PPP1R9A: variants seen among roughly 807,000 people sequenced by gnomAD.
PPP1R9A encodes the protein neurabin-1.
Under a neutral mutation model 141.9 loss-of-function variants are expected in PPP1R9A, and 59 were observed. The ratio of observed to expected loss-of-function variants is 0.42; its 90% CI spans 0.34 to 0.52. The LOEUF (loss-of-function observed/expected upper bound fraction) is 0.52. PPP1R9A is among the 20% of genes least tolerant of loss of function. The pLI is 0.10. For synonymous variants in PPP1R9A, 500 were observed against 569.7 expected (o/e 0.88, Z 1.74); for missense variants, 1,444 against 1,611.9 (o/e 0.90, Z 1.78).
intron 2 of PPP1R9A, among the ~76,000 whole-genome samples, chr7:95,087,524 A>C (rs778665856): frequency 4.6e-5 from 7 of 152,046 alleles, no homozygotes; most frequent in African/African-American, 7.3e-5. Context: ...GAAAAAGTGA[A>C]ACATGATGAA....
chr7:95,213,399 C>CAATCTCTGT (rs757811617), intron 7 of PPP1R9A, among the ~76,000 whole-genome samples: 19 of 148,672 alleles, frequency 1.3e-4, no homozygotes, highest in Non-Finnish European at 1.0e-4. Flanking sequence ...TGGCTGACTG[C>CAATCTCTGT]AATCTCTGCC....
At chr7:95,209,757 C>G (rs1339345812) in intron 7 of PPP1R9A, among the ~76,000 whole-genome samples, 1 of 152,066 alleles carries the variant, frequency 6.6e-6, no homozygotes, top group East Asian at 1.9e-4. Context: ...AGCATTTTTG[C>G]AATTACACGA....
intron 5 of PPP1R9A, 124 bp from the exon 6 acceptor site, chr7:95,198,225 T>C (rs1176115166): frequency 4.9e-6 from 4 of 811,676 alleles, no homozygotes. Context: ...CATTTTGAAG[T>C]ACGTAGGTGA....
chr7:95,093,175 C>T (rs1817588522), intron 2 of PPP1R9A, among the ~76,000 whole-genome samples: 1 of 152,060 alleles, frequency 6.6e-6, no homozygotes. Context: ...TAGACTTTCT[C>T]AGGATAGACC....
intron 12 of PPP1R9A, among the ~76,000 whole-genome samples, chr7:95,258,024 A>G (rs561182485): frequency 7.3e-4 from 111 of 152,272 alleles, no homozygotes; most frequent in African/African-American, 2.3e-3. Flanking sequence ...TCCTTTGGGT[A>G]TATACCCAGT....
chr7:94,953,928 C>T (rs1190545162), intron 2 of PPP1R9A, among the ~76,000 whole-genome samples: 4 of 152,048 alleles, frequency 2.6e-5, no homozygotes, highest in Non-Finnish European at 5.9e-5. Flanking sequence ...GACTTCCTCT[C>T]TTCCTATTTG....
chr7:94,967,443 G>T (rs1563059210), intron 2 of PPP1R9A, among the ~76,000 whole-genome samples: 1 of 152,138 alleles, frequency 6.6e-6, no homozygotes, highest in East Asian at 1.9e-4. Context: ...GCTTTCTCTT[G>T]TGGGCATTTA....
chr7:95,057,281 T>C (rs947052253), intron 2 of PPP1R9A, among the ~76,000 whole-genome samples: 1 of 152,052 alleles, frequency 6.6e-6, no homozygotes, highest in African/African-American at 2.4e-5. Context: ...ATGAACTTGA[T>C]TTTTTCCCCT....
At chr7:95,204,772 C>CAG in intron 7 of PPP1R9A, among the ~76,000 whole-genome samples, 1 of 144,668 alleles carries the variant, frequency 6.9e-6, no homozygotes, top group East Asian at 2.1e-4. Context: ...ACAAACACCA[C>CAG]ACACACACAC....
intron 12 of PPP1R9A, among the ~76,000 whole-genome samples, chr7:95,256,900 T>C (rs1473159616): frequency 6.6e-6 from 1 of 152,004 alleles, no homozygotes; most frequent in Non-Finnish European, 1.5e-5. Context: ...ACAAAAGATC[T>C]CAAGACCCAT....
At chr7:95,139,810 T>TAA (rs1177269547) in intron 4 of PPP1R9A, among the ~76,000 whole-genome samples, 17 of 95,324 alleles carry the variant, frequency 1.8e-4, no homozygotes, top group Non-Finnish European at 2.7e-4. Context: ...AGCAAAACAT[T>TAA]AAAAAAAAAA....
In PPP1R9A at chr7:94,947,136, C is replaced by T. The variant is rs770520009; in HGVS notation, c.1395+35628C>T. On this transcript the variant is annotated intron_variant, in intron 2 of 19. Transcript: ENST00000433360. Reference sequence around the variant, plus strand: ...GAAAGTTGTTACTTTATAGAAAAGTCGGCTTGCAGGCCATGGAGCCAGGAA... The same window carrying T: ...GAAAGTTGTTACTTTATAGAAAAGTTGGCTTGCAGGCCATGGAGCCAGGAA... 3.3e-5 allele frequency among the ~76,000 whole-genome samples: 5 copies of T among 152,094 alleles called. 1 individual carries two copies. Among genetic ancestry groups the T allele is most frequent in the Non-Finnish European group, 2.9e-5 (2 of 68,018 alleles).
intron 2 of PPP1R9A, among the ~76,000 whole-genome samples, chr7:94,931,809 C>T (rs1256683086): frequency 2.0e-5 from 3 of 152,170 alleles, no homozygotes; most frequent in Admixed American, 6.5e-5. Context: ...AACTGCCGAC[C>T]TCAGGTCATC....
chr7:95,142,061 G>A (rs1421731641), intron 4 of PPP1R9A, among the ~76,000 whole-genome samples: 1 of 151,844 alleles, frequency 6.6e-6, no homozygotes, highest in African/African-American at 2.4e-5. Context: ...TTATTGAGTG[G>A]GTATGAAGTA....
intron 12 of PPP1R9A, among the ~76,000 whole-genome samples, chr7:95,259,842 C>T (rs1231355297): frequency 6.6e-6 from 1 of 152,102 alleles, no homozygotes; most frequent in East Asian, 1.9e-4. Flanking sequence ...TTCATGCTGT[C>T]ACACTGTTTA....
At chr7:95,240,467 TTTA>T (rs556663147) in intron 8 of PPP1R9A, among the ~76,000 whole-genome samples, 41 of 152,190 alleles carry the variant, frequency 2.7e-4, no homozygotes, top group Admixed American at 2.6e-3. Context: ...TTTTTATGGT[TTTA>T]TTTTGTCTTT....
At chr7:94,946,991 G>A (rs1191971840) in intron 2 of PPP1R9A, among the ~76,000 whole-genome samples, 2 of 151,996 alleles carry the variant, frequency 1.3e-5, no homozygotes, top group African/African-American at 2.4e-5. Flanking sequence ...TCTATTATTT[G>A]TATCCTTTTA....
chr7:95,134,506 G>A (rs551903617), intron 4 of PPP1R9A, among the ~76,000 whole-genome samples: 7 of 152,162 alleles, frequency 4.6e-5, no homozygotes, highest in African/African-American at 1.2e-4. Context: ...GCGTGATCTC[G>A]GCTCACCACA....
In PPP1R9A at chr7:95,269,287, A is replaced by T; in HGVS notation, c.2904A>T (p.Ser968=). The stretch of plus-strand genomic sequence containing the variant: ...GTTTGAGAACGTCTTCTCCAGAATC[A>T]GATTCTGGTGTTCCACCCCTCACCC... ...PKGLRTSSPE[S]DSGVPPLTPV... is the part of the protein sequence containing the mutation. The change falls in exon 14 of 20, where the codon TCA becomes TCT. Residue 968 remains serine, a synonymous_variant. Transcript: ENST00000433360. 1 of 1,588,452 alleles carries T rather than the reference A, an allele frequency of 6.3e-7. No individual in the cohort carries two copies. The highest frequency in any genetic ancestry group is 8.5e-7 in the Non-Finnish European group (1 of 1,170,094).
Sources: gnomAD v4.1 joint callset for allele counts (sites outside exome capture counted in the v4.1 genomes callset) on GRCh38, gnomAD v4.1.1 for gene constraint, MANE v1.5 for transcripts, NCBI Gene and HGNC (gene_info 2026-07-23, HGNC 2026-07-21) for gene names.